NAV2: variants seen among roughly 807,000 people sequenced by gnomAD.
NAV2 encodes helicase, APC down-regulated 1.
In NAV2, 54 loss-of-function variants were observed where a neutral mutation model predicts 223.2. That is an observed-to-expected ratio of 0.24 (90% CI 0.19 to 0.30). The LOEUF is 0.30. NAV2 is among the 10% of genes least tolerant of loss of function. The pLI, the probability that NAV2 is intolerant of heterozygous loss-of-function variation, is 1.00. For synonymous variants in NAV2, 1,279 were observed against 1,239.3 expected, an observed-to-expected ratio of 1.03 and a Z score of -0.67; for missense variants, 2,806 against 3,147.5, an observed-to-expected ratio of 0.89 and a Z score of 2.60.
At chr11:19,687,532 G>A (rs1338126024) in intron 1 of NAV2, among the ~76,000 whole-genome samples, 1 of 152,128 alleles carries the variant, frequency 6.6e-6, no homozygotes, top group Non-Finnish European at 1.5e-5. Flanking sequence ...TATCTCCCAG[G>A]TCCTGTGTGT....
intron 1 of NAV2, among the ~76,000 whole-genome samples, chr11:19,705,565 C>G (rs2049637337): frequency 1.3e-5 from 2 of 152,128 alleles, no homozygotes; most frequent in African/African-American, 4.8e-5. Flanking sequence ...ATTCTCGTGG[C>G]CATCCCTGAT....
At chr11:19,787,354 G>A (rs1307630917) in intron 1 of NAV2, among the ~76,000 whole-genome samples, 2 of 145,392 alleles carry the variant, frequency 1.4e-5, no homozygotes, top group Non-Finnish European at 3.0e-5. Flanking sequence ...GGGGAAAAGG[G>A]ATCCTTCTGC....
chr11:19,919,737 T>G (rs962100966), intron 6 of NAV2, among the ~76,000 whole-genome samples: 2 of 152,218 alleles, frequency 1.3e-5, no homozygotes, highest in Non-Finnish European at 2.9e-5. Flanking sequence ...AATCTCAGGA[T>G]TTTGCAGTTT....
chr11:19,392,908 G>A (rs1849304603), intron 1 of NAV2, among the ~76,000 whole-genome samples: 1 of 152,218 alleles, frequency 6.6e-6, no homozygotes, highest in African/African-American at 2.4e-5. Context: ...CTGAGACTCT[G>A]AGGTGATACG....
At chr11:19,903,423 G>C (rs947048855) in intron 6 of NAV2, among the ~76,000 whole-genome samples, 4 of 152,108 alleles carry the variant, frequency 2.6e-5, no homozygotes, top group Non-Finnish European at 5.9e-5. Context: ...TGATGGCAAG[G>C]CTCCCCAAAC....
intron 1 of NAV2, among the ~76,000 whole-genome samples, chr11:19,536,881 A>G (rs188376115): frequency 5.7e-4 from 87 of 152,348 alleles, no homozygotes; most frequent in African/African-American, 2.0e-3. Flanking sequence ...TAGTCAGACT[A>G]GAGGGACATG....
intron 1 of NAV2, among the ~76,000 whole-genome samples, chr11:19,758,369 G>A (rs1236470587): frequency 1.3e-5 from 2 of 152,240 alleles, no homozygotes; most frequent in Non-Finnish European, 2.9e-5. Flanking sequence ...TGTGTGAGAT[G>A]AGGCTTGAGT....
intron 1 of NAV2, among the ~76,000 whole-genome samples, chr11:19,409,916 T>C (rs1484566418): frequency 3.3e-5 from 5 of 152,172 alleles, no homozygotes. Flanking sequence ...CACTCTGGGC[T>C]GAGACAGGCG....
At position 19,525,742 on chromosome 11, in the gene NAV2, T is replaced by C. The variant is rs141651638; in HGVS notation, c.75+174715T>C. On this transcript the variant is annotated intron_variant, in intron 1 of 37. Transcript: ENST00000360655. ...ACATCGTGGAACAGTGCCCTCATTCTGCATTTTCTTATCTAGGAGACAAAA... is the reference window on the plus strand; with the variant it reads ...ACATCGTGGAACAGTGCCCTCATTCCGCATTTTCTTATCTAGGAGACAAAA... 1.6e-3 allele frequency among the ~76,000 whole-genome samples: 251 copies of C among 152,338 alleles called. 1 individual carries two copies. The highest frequency in any genetic ancestry group is 6.8e-3 in the Middle Eastern group (2 of 294).
At chr11:19,697,501 A>G (rs1015004771) in intron 1 of NAV2, among the ~76,000 whole-genome samples, 3 of 151,974 alleles carry the variant, frequency 2.0e-5, no homozygotes, top group African/African-American at 7.2e-5. Context: ...AAGAGACAAG[A>G]TAGTTCTTTT....
At chr11:19,809,400 A>G (rs1456423246) in intron 1 of NAV2, among the ~76,000 whole-genome samples, 3 of 152,230 alleles carry the variant, frequency 2.0e-5, no homozygotes, top group Admixed American at 1.3e-4. Flanking sequence ...TGCACACCAT[A>G]GTCAACTATG....
At chr11:19,831,993 T>C (rs930403604) in intron 1 of NAV2, among the ~76,000 whole-genome samples, 3 of 152,210 alleles carry the variant, frequency 2.0e-5, no homozygotes, top group Non-Finnish European at 2.9e-5. Flanking sequence ...TGGCTTCTTT[T>C]CAAGGGACCC....
In NAV2 at chr11:19,878,344, G is replaced by A. The variant is rs115827308; in HGVS notation, c.512-1525G>A. ...TAGTCATATAATAACCAAGATGAAT[G>A]AAGGACTTCACTGTTTAAAGTGTGC... On this transcript the variant is annotated intron_variant, in intron 4 of 37. Transcript: ENST00000349880. Among the ~76,000 whole-genome samples, 594 of 152,316 alleles carry A rather than the reference G, an allele frequency of 3.9e-3. 5 individuals carry two copies. The highest frequency in any genetic ancestry group is 0.013 in the African/African-American group (533 of 41,568).
At chr11:20,060,162 T>C (rs1232136761) in intron 19 of NAV2, among the ~76,000 whole-genome samples, 1 of 152,226 alleles carries the variant, frequency 6.6e-6, no homozygotes, top group Non-Finnish European at 1.5e-5. Flanking sequence ...TGTATGTATA[T>C]GAGATGTAGA....
At chr11:19,529,759 A>G (rs2043966154) in intron 1 of NAV2, among the ~76,000 whole-genome samples, 1 of 152,202 alleles carries the variant, frequency 6.6e-6, no homozygotes, top group Non-Finnish European at 1.5e-5. Context: ...CTCACACAGT[A>G]ACCTCTTCAA....
chr11:19,592,193 G>C (rs1214094612), intron 1 of NAV2, among the ~76,000 whole-genome samples: 2 of 151,956 alleles, frequency 1.3e-5, no homozygotes, highest in Non-Finnish European at 2.9e-5. Context: ...TCCTCTGCTT[G>C]TCCTTCATCT....
chr11:19,773,458 G>T (rs2055882048), intron 1 of NAV2, among the ~76,000 whole-genome samples: 3 of 152,154 alleles, frequency 2.0e-5, no homozygotes, highest in African/African-American at 7.2e-5. Flanking sequence ...AGGGCCAGGG[G>T]ATGGGTCAGA....
intron 1 of NAV2, among the ~76,000 whole-genome samples, chr11:19,382,210 A>C (rs1284837871): frequency 1.3e-5 from 2 of 152,170 alleles, no homozygotes; most frequent in Non-Finnish European, 2.9e-5. Context: ...TCGGGAGTGG[A>C]ATAATGTGCT....
chr11:19,448,527 A>G (rs942755479), intron 1 of NAV2, among the ~76,000 whole-genome samples: 3 of 152,186 alleles, frequency 2.0e-5, no homozygotes, highest in Non-Finnish European at 2.9e-5. Context: ...TCCCAAGTTC[A>G]TCTTATACTG....
Sources: allele counts gnomAD v4.1 joint callset (sites outside exome capture counted in the v4.1 genomes callset), GRCh38; gene constraint gnomAD v4.1.1; transcripts MANE v1.5; gene names NCBI Gene and HGNC (gene_info 2026-07-23, HGNC 2026-07-21).